Variants in AGMO observed in about 807,000 individuals in gnomAD.
The protein encoded by AGMO is glyceryl-ether monooxygenase.
A neutral mutation model predicts 60.2 loss-of-function variants in AGMO; 75 were observed. The ratio of observed to expected loss-of-function variants is 1.25; its 90% confidence interval spans 1.03 to 1.51. The LOEUF (loss-of-function observed/expected upper bound fraction) is 1.51. Among genes scored for constraint, AGMO ranks in the 40% most tolerant of loss-of-function variants. AGMO has a pLI of 0.00. For synonymous variants in AGMO, 261 were observed against 177.1 expected, an observed-to-expected ratio of 1.47 and a Z score of -3.76; for missense variants, 763 against 525.5, an observed-to-expected ratio of 1.45 and a Z score of -4.42.
chr7:15,551,180 A>C (rs1393469367), intron 2 of AGMO, among the ~76,000 whole-genome samples: 20 of 152,150 alleles, frequency 1.3e-4, no homozygotes, highest in Non-Finnish European at 1.6e-4. Context: ...AAATAATAAG[A>C]GCTATCTATG....
chr7:15,313,953 TGATG>T (rs764880898), intron 12 of AGMO, among the ~76,000 whole-genome samples: 1 of 151,810 alleles, frequency 6.6e-6, no homozygotes, highest in Non-Finnish European at 1.5e-5. Flanking sequence ...AATGCCTACT[TGATG>T]GATGAAGTGA....
chr7:15,341,623 G>A (rs992980067), intron 12 of AGMO, among the ~76,000 whole-genome samples: 5 of 152,076 alleles, frequency 3.3e-5, no homozygotes, highest in Admixed American at 6.5e-5. Context: ...CACATTTTCA[G>A]GTACTTTTAC....
intron 3 of AGMO, among the ~76,000 whole-genome samples, chr7:15,433,537 G>A (rs928178575): frequency 6.6e-6 from 1 of 152,042 alleles, no homozygotes. Flanking sequence ...TTTATGGAAA[G>A]TTATTCCAGT....
the AGMO span, among the ~76,000 whole-genome samples, chr7:15,131,788 AC>A: frequency 6.6e-6 from 1 of 151,328 alleles, no homozygotes; most frequent in Admixed American, 6.6e-5. Flanking sequence ...ACACACACAC[AC>A]AAACAAGGTA....
At chr7:15,308,213 C>A (rs1423635775) in intron 12 of AGMO, among the ~76,000 whole-genome samples, 1 of 152,098 alleles carries the variant, frequency 6.6e-6, no homozygotes, top group African/African-American at 2.4e-5. Flanking sequence ...CCTTAACAAT[C>A]AGACTTTTAC....
chr7:15,192,382 A>G, the AGMO span, among the ~76,000 whole-genome samples: 1 of 152,012 alleles, frequency 6.6e-6, no homozygotes, highest in African/African-American at 2.4e-5. Context: ...CTGAACACTG[A>G]GAGGAGTTCG....
At position 15,259,723 on chromosome 7, in the gene AGMO, T is replaced by TA. The variant is rs1227813123; in HGVS notation, c.1264-58365dup. 2.0e-5 allele frequency among the ~76,000 whole-genome samples: 3 copies of TA among 151,836 alleles called. No homozygotes were observed. In the East Asian group the frequency reaches 5.8e-4, roughly 30 times the overall value. On this transcript the variant is annotated intron_variant, in intron 12 of 12. Coordinates refer to ENST00000342526, the MANE Select transcript of AGMO (RefSeq NM_001004320.2). The stretch of plus-strand genomic sequence containing the variant: ...ACCGCAGGTTTCTCAGCAGAATCCC[T>TA]ACAAGCTAGAAGGGATTTGGGTCCT...
At chr7:15,208,315 A>G (rs1333370207) in intron 12 of AGMO, among the ~76,000 whole-genome samples, 1 of 152,218 alleles carries the variant, frequency 6.6e-6, no homozygotes, top group Non-Finnish European at 1.5e-5. Flanking sequence ...TTGGAAGAAC[A>G]CTGACCATCA....
the AGMO span, among the ~76,000 whole-genome samples, chr7:15,180,099 T>C: frequency 6.6e-6 from 1 of 152,316 alleles, no homozygotes; most frequent in East Asian, 1.9e-4. Flanking sequence ...ATTATGTTGA[T>C]GACTAACACC....
At chr7:15,523,523 T>C (rs1562551201) in intron 3 of AGMO, among the ~76,000 whole-genome samples, 1 of 152,146 alleles carries the variant, frequency 6.6e-6, no homozygotes, top group Non-Finnish European at 1.5e-5. Flanking sequence ...TGAGTTTACA[T>C]CCTTTACAGA....
intron 12 of AGMO, among the ~76,000 whole-genome samples, chr7:15,228,605 A>G (rs1049605394): frequency 5.3e-5 from 8 of 152,158 alleles, no homozygotes; most frequent in Non-Finnish European, 8.8e-5. Context: ...GCAAGTCATT[A>G]AGAGAAAAGG....
chr7:15,146,957 C>A, the AGMO span, among the ~76,000 whole-genome samples: 2 of 152,068 alleles, frequency 1.3e-5, no homozygotes, highest in African/African-American at 4.8e-5. Context: ...TTTTTATAAC[C>A]ACTTTATTAT....
At chr7:15,353,799 G>A (rs1782347983) in intron 12 of AGMO, among the ~76,000 whole-genome samples, 2 of 152,170 alleles carry the variant, frequency 1.3e-5, no homozygotes, top group South Asian at 4.1e-4. Flanking sequence ...GGATGCCTGT[G>A]TTGGTACTTT....
chr7:15,529,504 T>C (rs1784218984), intron 3 of AGMO, among the ~76,000 whole-genome samples: 2 of 126,092 alleles, frequency 1.6e-5, no homozygotes, highest in South Asian at 5.0e-4. Context: ...TTCTAGTTCT[T>C]AGACTAGAAT....
At chr7:15,482,941 T>G (rs2128517973) in intron 3 of AGMO, among the ~76,000 whole-genome samples, 1 of 152,278 alleles carries the variant, frequency 6.6e-6, no homozygotes, top group African/African-American at 2.4e-5. Flanking sequence ...CATTCATGAT[T>G]TTTTAAAATT....
chr7:15,489,881 T>C, intron 3 of AGMO, among the ~76,000 whole-genome samples: 1 of 152,190 alleles, frequency 6.6e-6, no homozygotes, highest in East Asian at 1.9e-4. Flanking sequence ...TAACAATATT[T>C]CAACAGAATC....
rs144210991 is a variant in AGMO at position 15,544,826 on chromosome 7, A to G, written c.355T>C (p.Ser119Pro). 3.0e-5 allele frequency: 49 copies of G among 1,610,382 alleles called. No homozygotes were observed. The highest frequency in any genetic ancestry group is 4.2e-5 in the Non-Finnish European group (49 of 1,178,126). ...CCAAAGTCAACTCCTAAGAAGGCTGAATACCAAGTCCATGGAGAATCCCAA... is the reference window on the plus strand; with the variant it reads ...CCAAAGTCAACTCCTAAGAAGGCTGGATACCAAGTCCATGGAGAATCCCAA... ...LPWDSPWTWY[S>P]AFLGVDFGYY... The change falls in exon 3 of 13, where the codon TCA (serine) becomes CCA (proline). Residue 119 changes from serine (S) to proline (P), a missense_variant. By Grantham distance (74) the Ser-to-Pro change is moderately conservative (BLOSUM62 -1). Coordinates refer to ENST00000342526, the MANE Select transcript of AGMO (RefSeq NM_001004320.2).
intron 3 of AGMO, among the ~76,000 whole-genome samples, chr7:15,544,190 A>G (rs910603622): frequency 6.6e-6 from 1 of 151,654 alleles, no homozygotes; most frequent in African/African-American, 2.4e-5. Context: ...AAGGCATAAG[A>G]ATGATACATT....
intron 12 of AGMO, among the ~76,000 whole-genome samples, chr7:15,243,392 GT>G (rs557368804): frequency 0.019 from 2,858 of 148,630 alleles, 38 homozygotes; most frequent in Non-Finnish European, 0.023. Context: ...TGAGCTAGAT[GT>G]TTTTTTTTTA....
Sources: allele counts gnomAD v4.1 joint callset (sites outside exome capture counted in the v4.1 genomes callset), GRCh38; gene constraint gnomAD v4.1.1; transcripts MANE v1.5; gene names NCBI Gene and HGNC (gene_info 2026-07-23, HGNC 2026-07-21).